APC: variants seen among roughly 807,000 people sequenced by gnomAD.
APC encodes the protein adenomatous polyposis coli protein.
Under a neutral mutation model 247.0 loss-of-function variants are expected in APC, and 72 were observed. The observed-to-expected ratio is 0.29, with a 90% confidence interval of 0.24 to 0.35. The LOEUF is 0.35. Ranked by LOEUF, APC falls within the 10% of genes least tolerant of loss-of-function variation. The pLI, the probability that APC is intolerant of heterozygous loss-of-function variation, is 1.00. For missense variants in APC, 3,400 were observed against 3,360.7 expected (o/e 1.01, Z -0.29); for synonymous variants, 1,254 against 1,162.5 (o/e 1.08, Z -1.60).
At chr5:112,801,101 C>A (rs1023226802) in intron 7 of APC, among the ~76,000 whole-genome samples, 178 bp from the exon 8 acceptor site, 1 of 152,080 alleles carries the variant, frequency 6.6e-6, no homozygotes, top group Non-Finnish European at 1.5e-5. Context: ...TTCCCCTTAC[C>A]GAGATAGTCG....
At chr5:112,769,112 C>T (rs531588028) in intron 4 of APC, among the ~76,000 whole-genome samples, 12 of 126,646 alleles carry the variant, frequency 9.5e-5, no homozygotes, top group African/African-American at 1.2e-4. Flanking sequence ...AGTGCAGTGG[C>T]GCAATCTTGG....
chr5:112,807,858 T>C (rs1013483852), intron 8 of APC, among the ~76,000 whole-genome samples: 3 of 152,158 alleles, frequency 2.0e-5, no homozygotes, highest in Non-Finnish European at 4.4e-5. Context: ...AAGTACTTAT[T>C]AAAAATACAT....
chr5:112,839,609 G>T lies in APC; in HGVS notation c.4015G>T (p.Gly1339Cys), dbSNP rs876658310. 4 of 1,614,014 alleles carry T rather than the reference G, an allele frequency of 2.5e-6. No homozygotes were observed. The highest frequency in any genetic ancestry group is 1.7e-5 in the Admixed American group (1 of 59,986). Residue 1339 changes from glycine (G) to cysteine (C), a missense_variant, in exon 16 of 16, where the codon GGT (glycine) becomes TGT (cysteine). Around this residue, in one of 9 missense-constraint regions of APC, gnomAD observed 715 missense variants for 656.6 expected, o/e 1.09. Coordinates refer to ENST00000257430, the MANE Select transcript of APC (RefSeq NM_000038.6). This position sits in a 1 kb window ranked among gnomAD's most constrained non-coding sequence, Gnocchi z 5.0. Reference protein sequence around the residue: ...HPRTKSSRLQGSSLSSESARH... With the variant: ...HPRTKSSRLQCSSLSSESARH... ...TAGAACCAAATCCAGCAGACTGCAG[G>T]GTTCTAGTTTATCTTCAGAATCAGC...
chr5:112,802,750 C>T (rs113880857), intron 8 of APC, among the ~76,000 whole-genome samples: 3 of 151,980 alleles, frequency 2.0e-5, no homozygotes, highest in African/African-American at 7.2e-5. Context: ...ATAGATTTCA[C>T]GTTACAGCAT....
intron 8 of APC, among the ~76,000 whole-genome samples, chr5:112,807,086 T>C (rs1761494477): frequency 1.3e-5 from 2 of 151,518 alleles, no homozygotes; most frequent in South Asian, 4.2e-4. Context: ...TGAGTTGAGA[T>C]TGTACCACTG....
rs112588804 is a variant in APC, at chr5:112,845,430, G to A, written c.*1304G>A. 3.6e-3 allele frequency: 846 copies of A among 233,134 alleles called. 10 individuals carry two copies. Among genetic ancestry groups the A allele is most frequent in the African/African-American group, 0.018 (799 of 45,402 alleles). The allele number at this position is 233,134 out of a possible 1,614,324, so 14.4% of individuals were successfully genotyped here. A position where few individuals can be genotyped will look rare whatever the true frequency, so the allele number is the denominator to read the frequency against. On this transcript the variant is annotated 3_prime_UTR_variant, in exon 16 of 16. Transcript: ENST00000257430. ...TCTTCGAGGCTTTACAGTGTAAACT[G>A]TCTTGCCCCTTCATCTTCTTGTTGC...
intron 8 of APC, among the ~76,000 whole-genome samples, chr5:112,809,666 A>G (rs1015317044): frequency 6.6e-6 from 1 of 151,610 alleles, no homozygotes; most frequent in Non-Finnish European, 1.5e-5. Flanking sequence ...CTTTCCTACT[A>G]TATTATATTG....
At chr5:112,757,683 T>C (rs1479978813) in intron 2 of APC, among the ~76,000 whole-genome samples, 1 of 152,068 alleles carries the variant, frequency 6.6e-6, no homozygotes, top group African/African-American at 2.4e-5. Context: ...ACCTGGTCTG[T>C]CTGAAAAACA....
At chr5:112,765,635 G>GA (rs566887379) in intron 2 of APC, among the ~76,000 whole-genome samples, 421 of 152,182 alleles carry the variant, frequency 2.8e-3, no homozygotes, top group African/African-American at 9.5e-3. Flanking sequence ...TCAGTAAATG[G>GA]AAAATAATAT....
chr5:112,749,917 T>G (rs1379152356), intron 1 of APC, among the ~76,000 whole-genome samples: 1 of 151,802 alleles, frequency 6.6e-6, no homozygotes, highest in South Asian at 2.1e-4. Flanking sequence ...AGTTGTTTTT[T>G]TTTTTTTAAA....
chr5:112,759,684 T>C (rs1305798944), intron 2 of APC, among the ~76,000 whole-genome samples: 2 of 152,226 alleles, frequency 1.3e-5, no homozygotes, highest in Admixed American at 1.3e-4. Flanking sequence ...GTTTCTAAAA[T>C]GTTAAAATAC....
intron 11 of APC, among the ~76,000 whole-genome samples, chr5:112,824,776 C>T (rs532520382): frequency 1.3e-5 from 2 of 151,906 alleles, no homozygotes; most frequent in Admixed American, 6.6e-5. Flanking sequence ...GTCTTAAGGT[C>T]TTCCCTGTCA....
intron 6 of APC, among the ~76,000 whole-genome samples, chr5:112,788,143 C>G (rs986634820): frequency 1.3e-5 from 2 of 152,048 alleles, no homozygotes; most frequent in Non-Finnish European, 2.9e-5. Context: ...TCTGTTAGTC[C>G]ACTTTAGCTT....
chr5:112,737,652 G>T (rs1340025419), upstream of APC, among the ~76,000 whole-genome samples: 1 of 152,238 alleles, frequency 6.6e-6, no homozygotes, highest in Non-Finnish European at 1.5e-5. Flanking sequence ...GACTGGGGCC[G>T]CGAGGGCATA....
intron 8 of APC, among the ~76,000 whole-genome samples, chr5:112,810,982 G>A (rs1245016141): frequency 2.0e-5 from 3 of 151,892 alleles, no homozygotes; most frequent in Non-Finnish European, 2.9e-5. Context: ...CTGAGATCAC[G>A]CCACTGCACT....
At chr5:112,722,443 CCCACACA>C (rs771040443) in intron 1 of APC, among the ~76,000 whole-genome samples, 3 of 152,130 alleles carry the variant, frequency 2.0e-5, no homozygotes, top group Non-Finnish European at 2.9e-5. Context: ...GGGCTTTTTC[CCCACACA>C]CCAATAGTGG....
At chr5:112,758,229 A>G (rs1028907317) in intron 2 of APC, among the ~76,000 whole-genome samples, 4 of 152,280 alleles carry the variant, frequency 2.6e-5, no homozygotes, top group Admixed American at 2.6e-4. Flanking sequence ...TAAATGCAGA[A>G]TTATAGCTAA....
At chr5:112,773,149 C>G (rs1408889248) in intron 4 of APC, among the ~76,000 whole-genome samples, 1 of 152,102 alleles carries the variant, frequency 6.6e-6, no homozygotes, top group Non-Finnish European at 1.5e-5. Context: ...ATTAAGGTTG[C>G]CACATAAGAA....
intron 14 of APC, among the ~76,000 whole-genome samples, chr5:112,832,932 T>C (rs183075606): frequency 1.3e-5 from 2 of 152,314 alleles, no homozygotes; most frequent in East Asian, 3.9e-4. Flanking sequence ...CTCATTGCAA[T>C]AGGCACAGAG....
Sources: allele counts gnomAD v4.1 joint callset (sites outside exome capture counted in the v4.1 genomes callset), GRCh38; gene constraint gnomAD v4.1.1; regional missense constraint gnomAD v4.1.1; non-coding constraint Gnocchi (gnomAD v3.1); transcripts MANE v1.5; gene names NCBI Gene and HGNC (gene_info 2026-07-23, HGNC 2026-07-21).